Variants in ZNF100 observed in about 807,000 individuals in gnomAD.
The protein encoded by ZNF100 is zinc finger protein 100 (Y1).
In ZNF100, 12 loss-of-function variants were observed where a neutral mutation model predicts 15.8. The ratio of observed to expected loss-of-function variants is 0.76; its 90% CI spans 0.49 to 1.23. ZNF100 has a LOEUF of 1.23. Among genes scored for constraint, ZNF100 ranks in the 50% most tolerant of loss-of-function variants. ZNF100 has a pLI of 0.00. For missense variants in ZNF100, 670 were observed against 635.6 expected (o/e 1.05, Z -0.58); for synonymous variants, 226 against 214.8 (o/e 1.05, Z -0.45).
chr19:21,733,959 C>T (rs1310985844), intron 4 of ZNF100, among the ~76,000 whole-genome samples: 1 of 152,232 alleles, frequency 6.6e-6, no homozygotes, highest in Non-Finnish European at 1.5e-5. Flanking sequence ...CCAAGCAAAT[C>T]ACAGCGGCCC....
At chr19:21,761,656 T>C (rs1378479468) in intron 2 of ZNF100, among the ~76,000 whole-genome samples, 3 of 114,512 alleles carry the variant, frequency 2.6e-5, no homozygotes, top group East Asian at 2.7e-4. Context: ...TCGGGCCAAG[T>C]ATAAGACTAA....
Position 21,727,234 on chromosome 19 carries a change from G to A in ZNF100, c.1078C>T (p.Leu360Phe). 1 of 1,613,730 alleles carries A rather than the reference G, an allele frequency of 6.2e-7. No individual in the cohort carries two copies. The highest frequency in any genetic ancestry group is 8.5e-7 in the Non-Finnish European group (1 of 1,179,928). The change falls in exon 5 of 5, where the codon CTT (leucine) becomes TTT (phenylalanine). Residue 360 changes from leucine to phenylalanine, a missense_variant. By Grantham distance (22) the Leu-to-Phe change is conservative. Transcript: ENST00000358296. ...GCATGAGTTATCTTATGTGTAGTAAGGGTTGAGGACTGGTTAAAGGCTTTG... is the reference window on the plus strand; with the variant it reads ...GCATGAGTTATCTTATGTGTAGTAAAGGTTGAGGACTGGTTAAAGGCTTTG... ...CGKAFNQSSTLTTHKITHAGE... is the reference protein window; with the variant it reads ...CGKAFNQSSTFTTHKITHAGE...
Position 21,751,157 on chromosome 19 carries a change from G to A in ZNF100, c.97-6090C>T, listed in dbSNP as rs771006973. 14 of 1,336,274 alleles carry A rather than the reference G, an allele frequency of 1.0e-5. No homozygotes were observed. The East Asian group carries it at 1.1e-4, about 11-fold the overall frequency. The allele number at this position is 1,336,274 out of a possible 1,614,324, so 82.8% of individuals were successfully genotyped here. A position where few individuals can be genotyped will look rare whatever the true frequency, so the allele number is the denominator to read the frequency against. On this transcript the variant is annotated intron_variant, in intron 2 of 4. Transcript: ENST00000358296. ...ACCGATGTGCGAGACAAGAGGAAGA[G>A]CAACCACTTAAATCATCTATCTCCA...
chr19:21,742,301 CCA>C (rs1491587908), intron 4 of ZNF100, among the ~76,000 whole-genome samples: 9 of 135,784 alleles, frequency 6.6e-5, no homozygotes, highest in African/African-American at 2.3e-4. Flanking sequence ...TGTCCCCCAC[CCA>C]AAAAAAAAAA....
chr19:21,738,875 GT>G (rs1201893324), intron 4 of ZNF100, among the ~76,000 whole-genome samples: 1 of 152,064 alleles, frequency 6.6e-6, no homozygotes, highest in Non-Finnish European at 1.5e-5. Flanking sequence ...AATCAGGGAG[GT>G]GGAAGTTGCA....
intron 4 of ZNF100, among the ~76,000 whole-genome samples, chr19:21,730,221 C>G (rs1230577371): frequency 1.3e-5 from 2 of 151,612 alleles, no homozygotes; most frequent in East Asian, 3.9e-4. Flanking sequence ...CTTTCTACGA[C>G]AGTAAGCTGA....
Position 21,724,250 on chromosome 19 carries a change from T to C in ZNF100, c.*2433A>G, listed in dbSNP as rs1450587107. On this transcript the variant is annotated 3_prime_UTR_variant, in exon 5 of 5. Transcript: ENST00000358296. ...TTTAGTTTTCTAGTAGTCATCTTGT[T>C]AAAATGATTTGTTTTGTTCAGTATT... 2 of 152,182 alleles carry C rather than the reference T, an allele frequency of 1.3e-5. No individual in the cohort carries two copies. Among genetic ancestry groups the C allele is most frequent in the South Asian group, 2.1e-4 (1 of 4,836 alleles). 9.4% of individuals were successfully genotyped at this position (152,182 alleles called of 1,614,324 possible).
intron 4 of ZNF100, among the ~76,000 whole-genome samples, chr19:21,737,137 T>G (rs1169846744): frequency 6.6e-6 from 1 of 151,446 alleles, no homozygotes; most frequent in Non-Finnish European, 1.5e-5. Flanking sequence ...ATAAAAGAGA[T>G]AGACCACTAG....
chr19:21,737,466 C>T (rs1048219187), intron 4 of ZNF100, among the ~76,000 whole-genome samples: 3 of 150,354 alleles, frequency 2.0e-5, no homozygotes, highest in Admixed American at 1.3e-4. Flanking sequence ...ACCCAGGAGG[C>T]GGATGTTGCA....
intron 4 of ZNF100, among the ~76,000 whole-genome samples, chr19:21,729,584 A>AAAAAC (rs969014488): frequency 6.6e-6 from 1 of 152,072 alleles, no homozygotes; most frequent in Admixed American, 6.6e-5. Context: ...AAGAAAAAAT[A>AAAAAC]AAAACAAAAC....
chr19:21,755,383 T>C (rs2036377423), intron 2 of ZNF100, among the ~76,000 whole-genome samples: 1 of 150,230 alleles, frequency 6.7e-6, no homozygotes, highest in African/African-American at 2.4e-5. Context: ...AAAACCACAG[T>C]GAGATACATC....
At chr19:21,749,417 G>A (rs980365171) in intron 2 of ZNF100, among the ~76,000 whole-genome samples, 5 of 151,996 alleles carry the variant, frequency 3.3e-5, no homozygotes, top group Admixed American at 2.6e-4. Flanking sequence ...CTAGGTGATT[G>A]TGAGAAGGTT....
chr19:21,740,223 G>A (rs1186604239), intron 4 of ZNF100, among the ~76,000 whole-genome samples: 2 of 152,106 alleles, frequency 1.3e-5, no homozygotes, highest in Non-Finnish European at 2.9e-5. Flanking sequence ...ACACACCATA[G>A]AGAAAAGATA....
chr19:21,726,695 G>A lies in ZNF100; in HGVS notation c.1617C>T (p.Thr539=), dbSNP rs759814295. 1.9e-6 allele frequency: 3 copies of A among 1,606,356 alleles called. No individual in the cohort carries two copies. Among genetic ancestry groups the A allele is most frequent in the South Asian group, 1.1e-5 (1 of 89,796 alleles). ...TTTGCCACATTTTTCACATTTGTAG[G>A]GTTTCTCTCCAGTATGAGTTATTTT... ...IKQNNSYWRE[T]LQM Residue 539 remains threonine (T), a synonymous_variant, in exon 5 of 5, where the codon ACC becomes ACT. Transcript: ENST00000358296.
At chr19:21,765,990 G>A (rs1282823973) in intron 1 of ZNF100, among the ~76,000 whole-genome samples, 1 of 152,148 alleles carries the variant, frequency 6.6e-6, no homozygotes, top group Non-Finnish European at 1.5e-5. Context: ...TCTGTGCCTA[G>A]AGAAGGTAAA....
chr19:21,748,067 CTG>C (rs1215776565), intron 2 of ZNF100, among the ~76,000 whole-genome samples: 10 of 152,230 alleles, frequency 6.6e-5, no homozygotes, highest in African/African-American at 1.9e-4. Context: ...ATTTACTTGT[CTG>C]TGACTTGTGG....
chr19:21,753,625 T>C (rs1301665489), intron 2 of ZNF100: 1 of 152,198 alleles, frequency 6.6e-6, no homozygotes. Flanking sequence ...TTATGAAGGT[T>C]TGTAGCACTT....
At chr19:21,732,191 A>G (rs1389386028) in intron 4 of ZNF100, among the ~76,000 whole-genome samples, 5 of 152,226 alleles carry the variant, frequency 3.3e-5, no homozygotes, top group African/African-American at 4.8e-5. Flanking sequence ...AATTGCTAAT[A>G]TTTTATGTGT....
intron 2 of ZNF100, chr19:21,751,238 C>A: frequency 1.6e-6 from 2 of 1,248,442 alleles, no homozygotes; most frequent in African/African-American, 1.5e-5. Flanking sequence ...GGTGACAGAA[C>A]AGTCAGCCAG....
Sources: gnomAD v4.1 joint callset for allele counts (sites outside exome capture counted in the v4.1 genomes callset) on GRCh38, gnomAD v4.1.1 for gene constraint, MANE v1.5 for transcripts, NCBI Gene and HGNC (gene_info 2026-07-23, HGNC 2026-07-21) for gene names.